Variants in ZC3H12B observed in about 807,000 individuals in gnomAD.
ZC3H12B encodes the protein probable ribonuclease ZC3H12B.
ZC3H12B carries 7 observed loss-of-function variants against 43.9 expected under a neutral mutation model. That is an observed-to-expected ratio of 0.16 (90% CI 0.09 to 0.30). The LOEUF is 0.30. Ranked by LOEUF, ZC3H12B falls within the 10% of genes least tolerant of loss-of-function variation. The pLI is 1.00. For missense variants in ZC3H12B, 475 were observed against 670.2 expected (o/e 0.71, Z 3.22); for synonymous variants, 222 against 241.7 (o/e 0.92, Z 0.76).
chrX:65,266,046 G>A, the ZC3H12B span, among the ~76,000 whole-genome samples: 2 of 111,432 alleles, frequency 1.8e-5, no homozygotes, highest in African/African-American at 3.3e-5. Flanking sequence ...GAAATGGCTG[G>A]GAATTTTGCA....
chrX:65,437,230 G>T (rs903270638), intron 3 of ZC3H12B, among the ~76,000 whole-genome samples: 5 of 111,497 alleles, frequency 4.5e-5, no homozygotes, highest in Non-Finnish European at 9.4e-5. Context: ...GGGATTACAG[G>T]TGTGAGCCAC....
the ZC3H12B span, among the ~76,000 whole-genome samples, chrX:65,123,954 C>A: frequency 2.7e-5 from 3 of 110,497 alleles, no homozygotes; most frequent in African/African-American, 3.3e-5. Flanking sequence ...AGTTTGACTT[C>A]CTCGTTACTG....
chrX:65,481,699 T>A (rs1007923366), intron 3 of ZC3H12B, among the ~76,000 whole-genome samples: 2 of 112,078 alleles, frequency 1.8e-5, no homozygotes, highest in African/African-American at 6.5e-5. Context: ...TTTAAAACTG[T>A]GTTTCTTATG....
chrX:65,451,018 C>A (rs1000122703), intron 3 of ZC3H12B, among the ~76,000 whole-genome samples: 1 of 107,014 alleles, frequency 9.3e-6, no homozygotes, highest in Admixed American at 1.0e-4. Flanking sequence ...TGCGATCTCA[C>A]CTCACTGCAA....
chrX:65,150,348 A>T, the ZC3H12B span, among the ~76,000 whole-genome samples: 2 of 111,163 alleles, frequency 1.8e-5, no homozygotes, highest in East Asian at 5.7e-4. Flanking sequence ...ATTTGCTGAG[A>T]CAAAGACTGA....
At chrX:65,385,375 A>C (rs1362589064) in intron 2 of ZC3H12B, among the ~76,000 whole-genome samples, 2 of 111,607 alleles carry the variant, frequency 1.8e-5, no homozygotes, top group Non-Finnish European at 3.8e-5. Context: ...ATCCCTTGTA[A>C]CTTGGATTCC....
chrX:65,115,666 C>G, the ZC3H12B span, among the ~76,000 whole-genome samples: 1 of 111,592 alleles, frequency 9.0e-6, no homozygotes, highest in Non-Finnish European at 1.9e-5. Context: ...AGTTTACATT[C>G]CCACCTACAG....
At chrX:65,372,490 A>AGGGAGGAAG (rs2066259022) in intron 2 of ZC3H12B, among the ~76,000 whole-genome samples, 1 of 91,199 alleles carries the variant, frequency 1.1e-5, no homozygotes, top group Non-Finnish European at 2.1e-5. Context: ...GAGGAAGGGA[A>AGGGAGGAAG]GGAAGGAAGG....
chrX:65,199,746 T>A, the ZC3H12B span, among the ~76,000 whole-genome samples: 13 of 108,476 alleles, frequency 1.2e-4, no homozygotes, highest in African/African-American at 1.7e-4. Flanking sequence ...GGTTTCCAAC[T>A]CCAACCATGT....
chrX:65,187,779 C>A, the ZC3H12B span, among the ~76,000 whole-genome samples: 1 of 109,138 alleles, frequency 9.2e-6, no homozygotes, highest in Non-Finnish European at 1.9e-5. Context: ...TATCTGTGAT[C>A]TCAAGCATTC....
At chrX:65,185,597 T>A in the ZC3H12B span, 1 of 111,626 alleles carries the variant, frequency 9.0e-6, no homozygotes, top group East Asian at 2.8e-4. Context: ...ATTTGCACCA[T>A]CAGTGAGGTA....
the ZC3H12B span, among the ~76,000 whole-genome samples, chrX:65,161,483 T>G: frequency 8.9e-6 from 1 of 112,088 alleles, no homozygotes; most frequent in Admixed American, 9.5e-5. Context: ...TAGTTAGCTC[T>G]TCTTGTTGAA....
chrX:65,219,623 A>T, the ZC3H12B span, among the ~76,000 whole-genome samples: 1 of 111,767 alleles, frequency 8.9e-6, no homozygotes, highest in African/African-American at 3.2e-5. Context: ...ATTGTAAAAA[A>T]TGTAAAAAGC....
chrX:65,489,569 C>G (rs2068176207), intron 1 of ZC3H12B, among the ~76,000 whole-genome samples, 160 bp downstream of exon 6: 1 of 111,876 alleles, frequency 8.9e-6, no homozygotes. Context: ...CTTGCCTTTT[C>G]TTCTTCCACT....
the ZC3H12B span, among the ~76,000 whole-genome samples, chrX:65,253,927 T>C: frequency 8.9e-6 from 1 of 112,124 alleles, no homozygotes; most frequent in Non-Finnish European, 1.9e-5. Context: ...GACTCCACTT[T>C]CCTGCCAGTT....
the ZC3H12B span, among the ~76,000 whole-genome samples, chrX:65,345,122 G>C: frequency 8.9e-6 from 1 of 112,412 alleles, no homozygotes; most frequent in African/African-American, 3.2e-5. Context: ...TTCAACCATT[G>C]TGGAAAGTGG....
At chrX:65,209,452 G>A in the ZC3H12B span, among the ~76,000 whole-genome samples, 1 of 89,884 alleles carries the variant, frequency 1.1e-5, no homozygotes, top group Non-Finnish European at 2.2e-5. Context: ...TAGTCATTCA[G>A]GAGCAGGTTG....
the ZC3H12B span, among the ~76,000 whole-genome samples, chrX:65,099,690 A>G: frequency 9.0e-6 from 1 of 111,264 alleles, no homozygotes; most frequent in Non-Finnish European, 1.9e-5. Flanking sequence ...CATCAACAAA[A>G]AGGACCCCCC....
chrX:65,178,735 G>A, the ZC3H12B span, among the ~76,000 whole-genome samples: 1 of 112,223 alleles, frequency 8.9e-6, no homozygotes, highest in East Asian at 2.8e-4. Context: ...CAGTTAGAAT[G>A]GTGATCATTA....
Sources: allele counts gnomAD v4.1 joint callset (sites outside exome capture counted in the v4.1 genomes callset), GRCh38; gene constraint gnomAD v4.1.1; transcripts MANE v1.5; gene names NCBI Gene and HGNC (gene_info 2026-07-23, HGNC 2026-07-21).